SSBP3: variants seen among roughly 807,000 people sequenced by gnomAD.
SSBP3 encodes single-stranded DNA-binding protein 3.
In SSBP3, 5 loss-of-function variants were observed where a neutral mutation model predicts 69.6. The ratio of observed to expected loss-of-function variants is 0.07; its 90% CI spans 0.04 to 0.15. SSBP3 has a LOEUF of 0.15. SSBP3 is among the 10% of genes least tolerant of loss of function. The probability of loss-of-function intolerance (pLI) is 1.00; values close to 1 mark genes in which losing one functional copy is unlikely to be tolerated. For synonymous variants in SSBP3, 196 were observed against 193.4 expected, an observed-to-expected ratio of 1.01 and a Z score of -0.11; for missense variants, 312 against 534.0, an observed-to-expected ratio of 0.58 and a Z score of 4.10.
intron 6 of SSBP3, among the ~76,000 whole-genome samples, chr1:54,257,700 G>C (rs970247549): frequency 2.0e-5 from 3 of 152,088 alleles, no homozygotes; most frequent in Admixed American, 1.3e-4. Flanking sequence ...GGAATGGCAG[G>C]AAAGCTTTCT....
chr1:54,328,920 C>A (rs1219263717), intron 4 of SSBP3, among the ~76,000 whole-genome samples: 2 of 152,226 alleles, frequency 1.3e-5, no homozygotes, highest in Non-Finnish European at 2.9e-5. Context: ...GCTTGCCTGT[C>A]CAGGAGGGCA....
chr1:54,345,246 TCCACTGCAGA>T (rs1359588394), intron 4 of SSBP3, among the ~76,000 whole-genome samples: 1 of 152,150 alleles, frequency 6.6e-6, no homozygotes, highest in Admixed American at 6.5e-5. Context: ...TTCATGCTTA[TCCACTGCAGA>T]AACACAGGAG....
intron 9 of SSBP3, among the ~76,000 whole-genome samples, chr1:54,244,039 C>T (rs546368824): frequency 6.6e-6 from 1 of 152,178 alleles, no homozygotes; most frequent in East Asian, 1.9e-4. Flanking sequence ...AAGCAATCCT[C>T]CCACCTGAGC....
chr1:54,228,879 C>T (rs972815429), intron 14 of SSBP3, 53 bp from the exon 15 acceptor site: 1 of 1,556,550 alleles, frequency 6.4e-7, no homozygotes. Flanking sequence ...CCCTCTGCAC[C>T]CCTCACAGGC....
chr1:54,236,177 G>A (rs1644488819), intron 14 of SSBP3, among the ~76,000 whole-genome samples: 1 of 151,974 alleles, frequency 6.6e-6, no homozygotes, highest in African/African-American at 2.4e-5. Context: ...GTGCAGTGGT[G>A]TGATCTCGGC....
intron 4 of SSBP3, among the ~76,000 whole-genome samples, chr1:54,301,164 T>C (rs897332699): frequency 1.3e-5 from 2 of 152,218 alleles, no homozygotes; most frequent in African/African-American, 4.8e-5. Flanking sequence ...GGAGAAGACC[T>C]GCATCTCATC....
At chr1:54,369,936 G>C (rs1647100880) in intron 4 of SSBP3, among the ~76,000 whole-genome samples, 1 of 152,130 alleles carries the variant, frequency 6.6e-6, no homozygotes, top group South Asian at 2.1e-4. Flanking sequence ...TGTGTGATAT[G>C]AAAAACCATC....
intron 14 of SSBP3, among the ~76,000 whole-genome samples, chr1:54,230,965 A>G (rs1644370432): frequency 6.6e-6 from 1 of 152,208 alleles, no homozygotes; most frequent in African/African-American, 2.4e-5. Context: ...GACTAATGAC[A>G]CTGATGTAAT....
At chr1:54,253,403 GCTCGTAT>G (rs1644866916) in intron 7 of SSBP3, among the ~76,000 whole-genome samples, 1 of 151,610 alleles carries the variant, frequency 6.6e-6, no homozygotes, top group South Asian at 2.1e-4. Flanking sequence ...TGTTGCCTGG[GCTCGTAT>G]CAAACTCCTA....
At chr1:54,355,550 T>C (rs1045303336) in intron 4 of SSBP3, among the ~76,000 whole-genome samples, 5 of 152,146 alleles carry the variant, frequency 3.3e-5, no homozygotes, top group African/African-American at 7.2e-5. Context: ...GGTTTCACCA[T>C]GTTGGCCAGG....
rs1646119177 is a variant in SSBP3 at position 54,316,700 on chromosome 1, AT to A, written c.277-35174del. Among the ~76,000 whole-genome samples, 6 of 123,098 alleles carry A rather than the reference AT, an allele frequency of 4.9e-5. No individual in the cohort carries two copies. In the East Asian group the frequency reaches 7.6e-4, roughly 16 times the overall value. The allele number at this position is 123,098 out of a possible 152,430, so 80.8% of individuals were successfully genotyped here. A position where few individuals can be genotyped will look rare whatever the true frequency, so the allele number is the denominator to read the frequency against. On this transcript the variant is annotated intron_variant, in intron 4 of 17. Transcript: ENST00000610401. ...AATAAATAAATAAATAAATAAATAA[AT>A]AAATAAATAAAATAAAATAAAATAA... is the stretch of plus-strand genomic sequence containing the variant.
intron 4 of SSBP3, among the ~76,000 whole-genome samples, chr1:54,337,359 G>GCCCTCTCA (rs1232743514): frequency 2.0e-5 from 3 of 152,088 alleles, no homozygotes; most frequent in African/African-American, 7.2e-5. Flanking sequence ...ACCCTGGCCT[G>GCCCTCTCA]CCCTCTCAAG....
intron 4 of SSBP3, among the ~76,000 whole-genome samples, chr1:54,383,683 A>G (rs1187152785): frequency 6.6e-6 from 1 of 152,146 alleles, no homozygotes; most frequent in Non-Finnish European, 1.5e-5. Context: ...TATGAGGGAG[A>G]GAGAGAAATC....
chr1:54,289,676 C>T (rs771961362), intron 4 of SSBP3, among the ~76,000 whole-genome samples: 4 of 152,076 alleles, frequency 2.6e-5, no homozygotes, highest in Admixed American at 1.3e-4. Flanking sequence ...CGGCAGGACT[C>T]GAGGATGCAG....
chr1:54,304,729 G>A (rs895936026), intron 4 of SSBP3, among the ~76,000 whole-genome samples: 2 of 152,214 alleles, frequency 1.3e-5, no homozygotes, highest in Admixed American at 6.5e-5. Context: ...CACTGCTGGT[G>A]CAAGGCTGAG....
intron 4 of SSBP3, among the ~76,000 whole-genome samples, chr1:54,392,134 C>T (rs549519274): frequency 6.6e-6 from 1 of 152,214 alleles, no homozygotes; most frequent in Admixed American, 6.5e-5. Context: ...TCTGTGTGTT[C>T]AATGCACTAA....
chr1:54,229,653 C>T (rs1313114179), intron 14 of SSBP3, among the ~76,000 whole-genome samples: 1 of 152,200 alleles, frequency 6.6e-6, no homozygotes, highest in African/African-American at 2.4e-5. Flanking sequence ...AGAAAGGTCA[C>T]ATCCCACAGC....
intron 4 of SSBP3, among the ~76,000 whole-genome samples, chr1:54,336,635 C>T (rs542981503): frequency 6.6e-6 from 1 of 152,204 alleles, no homozygotes; most frequent in South Asian, 2.1e-4. Context: ...TCTCAAGCCT[C>T]TTCTAATCTG....
At chr1:54,234,166 G>A (rs985188981) in intron 14 of SSBP3, among the ~76,000 whole-genome samples, 42 of 150,986 alleles carry the variant, frequency 2.8e-4, no homozygotes, top group African/African-American at 7.1e-4. Flanking sequence ...GTTAAGAGTC[G>A]TCACCACTCC....
Sources: allele counts gnomAD v4.1 joint callset (sites outside exome capture counted in the v4.1 genomes callset), GRCh38; gene constraint gnomAD v4.1.1; transcripts MANE v1.5; gene names NCBI Gene and HGNC (gene_info 2026-07-23, HGNC 2026-07-21).